PLPPR1: variants seen among roughly 807,000 people sequenced by gnomAD.
PLPPR1 encodes the protein phospholipid phosphatase-related protein type 1.
In PLPPR1, 10 loss-of-function variants were observed where a neutral mutation model predicts 33.1. The ratio of observed to expected loss-of-function variants is 0.30; its 90% confidence interval spans 0.19 to 0.51. The LOEUF is 0.51. Ranked by LOEUF, PLPPR1 falls within the 20% of genes least tolerant of loss-of-function variation. PLPPR1 has a pLI of 0.97. For missense variants in PLPPR1, 304 were observed against 408.1 expected (o/e 0.74, Z 2.20); for synonymous variants, 151 against 151.0 (o/e 1.00, Z 0.00).
At chr9:101,075,783 A>G (rs1830527624) in intron 1 of PLPPR1, among the ~76,000 whole-genome samples, 1 of 152,180 alleles carries the variant, frequency 6.6e-6, no homozygotes, top group African/African-American at 2.4e-5. Context: ...GATAGAGATG[A>G]GTGCCAGGGA....
chr9:101,101,833 T>C (rs969860141), intron 1 of PLPPR1, among the ~76,000 whole-genome samples: 2 of 152,056 alleles, frequency 1.3e-5, no homozygotes, highest in Non-Finnish European at 2.9e-5. Context: ...ATGAACCCAA[T>C]ACAGATAACC....
intron 2 of PLPPR1, among the ~76,000 whole-genome samples, chr9:101,214,588 C>T (rs959852257): frequency 6.6e-6 from 1 of 152,154 alleles, no homozygotes; most frequent in African/African-American, 2.4e-5. Flanking sequence ...ACATTTTGCT[C>T]AATTGAGAAA....
chr9:101,214,348 C>A (rs182796101), intron 2 of PLPPR1, among the ~76,000 whole-genome samples: 11 of 152,198 alleles, frequency 7.2e-5, no homozygotes, highest in Admixed American at 5.9e-4. Flanking sequence ...TAGCACATAC[C>A]CAGCACTTTG....
intron 1 of PLPPR1, among the ~76,000 whole-genome samples, chr9:101,131,870 C>T (rs117393352): frequency 0.01 from 1,564 of 152,308 alleles, 10 homozygotes; most frequent in Middle Eastern, 0.02. Context: ...GGTCTGGTGC[C>T]AGTTACTTAA....
At chr9:101,245,443 G>A (rs111502285) in intron 2 of PLPPR1, among the ~76,000 whole-genome samples, 23 of 152,024 alleles carry the variant, frequency 1.5e-4, no homozygotes, top group African/African-American at 5.5e-4. Context: ...GACCTCTTTA[G>A]GGATTGTATC....
intron 1 of PLPPR1, among the ~76,000 whole-genome samples, chr9:101,152,685 G>T (rs1403559590): frequency 6.6e-6 from 1 of 151,786 alleles, no homozygotes; most frequent in Non-Finnish European, 1.5e-5. Context: ...TTTTTGTCAG[G>T]TGTGTCAAAG....
rs1831078956 is a variant in PLPPR1, at chr9:101,113,226, C to G, written c.-45-72224C>G. Among the ~76,000 whole-genome samples, 4 of 146,374 alleles carry G rather than the reference C, an allele frequency of 2.7e-5. No individual in the cohort carries two copies. In the East Asian group the frequency reaches 8.0e-4, roughly 29 times the overall value. ...TAATCCTTTTTTTTTTTTTTTAACC[C>G]TGGAGGATGTTTTAGTAGCCTCCAG... is the stretch of plus-strand genomic sequence containing the variant. On this transcript the variant is annotated intron_variant, in intron 1 of 7. Coordinates refer to ENST00000374874, the MANE Select transcript of PLPPR1 (RefSeq NM_207299.2).
intron 4 of PLPPR1, among the ~76,000 whole-genome samples, chr9:101,304,320 T>C (rs569138810): frequency 6.6e-6 from 1 of 152,358 alleles, no homozygotes; most frequent in South Asian, 2.1e-4. Context: ...TTTTATCCTC[T>C]TCTGTTAATC....
At chr9:101,302,604 G>A (rs984622440) in intron 4 of PLPPR1, among the ~76,000 whole-genome samples, 1 of 152,240 alleles carries the variant, frequency 6.6e-6, no homozygotes, top group Admixed American at 6.5e-5. Context: ...TCCAATGGAA[G>A]TTGGTGGTTG....
chr9:101,257,537 G>C (rs1051486637), intron 2 of PLPPR1, among the ~76,000 whole-genome samples: 7 of 152,132 alleles, frequency 4.6e-5, no homozygotes, highest in African/African-American at 1.4e-4. Context: ...TTCCTGGCAG[G>C]TGAGCACAGG....
intron 2 of PLPPR1, among the ~76,000 whole-genome samples, chr9:101,204,495 CT>C (rs1826553081): frequency 6.6e-6 from 1 of 152,122 alleles, no homozygotes; most frequent in South Asian, 2.1e-4. Context: ...ATGATTAGCT[CT>C]GATTTTAAGT....
intron 1 of PLPPR1, among the ~76,000 whole-genome samples, chr9:101,077,375 G>A (rs930689309): frequency 6.6e-6 from 1 of 152,036 alleles, no homozygotes; most frequent in African/African-American, 2.4e-5. Context: ...AACCATTTGT[G>A]TATTACTTGA....
At chr9:101,145,000 A>G (rs1037432957) in intron 1 of PLPPR1, among the ~76,000 whole-genome samples, 3 of 152,168 alleles carry the variant, frequency 2.0e-5, no homozygotes, top group Non-Finnish European at 4.4e-5. Context: ...GAGAAAGTCC[A>G]GACCTATCAT....
chr9:101,271,563 G>A (rs1320869181), intron 3 of PLPPR1, among the ~76,000 whole-genome samples: 1 of 152,140 alleles, frequency 6.6e-6, no homozygotes, highest in African/African-American at 2.4e-5. Flanking sequence ...TACAGAATAA[G>A]AGAAAGCATA....
At chr9:101,321,406 G>A (rs1829146216) in intron 7 of PLPPR1, among the ~76,000 whole-genome samples, 1 of 152,082 alleles carries the variant, frequency 6.6e-6, no homozygotes, top group African/African-American at 2.4e-5. Flanking sequence ...TGATTGAGAT[G>A]GGGTGCATTT....
chr9:101,282,674 A>T (rs539520561), intron 3 of PLPPR1, among the ~76,000 whole-genome samples: 2 of 152,334 alleles, frequency 1.3e-5, no homozygotes, highest in South Asian at 4.1e-4. Context: ...ACTCTACTGA[A>T]AACTGTTAGA....
intron 1 of PLPPR1, among the ~76,000 whole-genome samples, chr9:101,051,976 G>A (rs748441735): frequency 6.6e-6 from 1 of 152,100 alleles, no homozygotes; most frequent in Non-Finnish European, 1.5e-5. Flanking sequence ...TTCAATGGTA[G>A]GTAAATGAGT....
chr9:101,033,126 A>T (rs1283732735), intron 1 of PLPPR1, among the ~76,000 whole-genome samples: 1 of 152,196 alleles, frequency 6.6e-6, no homozygotes, highest in African/African-American at 2.4e-5. Flanking sequence ...CTGCAGACCC[A>T]GGAACTAGGT....
chr9:101,197,010 G>A (rs1409021787), intron 2 of PLPPR1, among the ~76,000 whole-genome samples: 1 of 152,210 alleles, frequency 6.6e-6, no homozygotes, highest in Non-Finnish European at 1.5e-5. Context: ...CTAGATGACA[G>A]TCATGGTATC....
Sources: gnomAD v4.1 joint callset for allele counts (sites outside exome capture counted in the v4.1 genomes callset) on GRCh38, gnomAD v4.1.1 for gene constraint, MANE v1.5 for transcripts, NCBI Gene and HGNC (gene_info 2026-07-23, HGNC 2026-07-21) for gene names.